SYPL1: variants seen among roughly 807,000 people sequenced by gnomAD.
The protein encoded by SYPL1 is synaptophysin-like protein 1.
In SYPL1, 6 loss-of-function variants were observed where a neutral mutation model predicts 23.7. That is an observed-to-expected ratio of 0.25 (90% CI 0.14 to 0.50). SYPL1 has a LOEUF of 0.50. Ranked by LOEUF, SYPL1 falls within the 20% of genes least tolerant of loss-of-function variation. The pLI is 0.98. For missense variants in SYPL1, 253 were observed against 288.9 expected, an observed-to-expected ratio of 0.88 and a Z score of 0.90; for synonymous variants, 102 against 104.5, an observed-to-expected ratio of 0.98 and a Z score of 0.15.
At chr7:106,111,335 G>A (rs3801274) in intron 1 of SYPL1, among the ~76,000 whole-genome samples, 136,560 of 152,250 alleles carry the variant, frequency 0.9, 61,324 homozygotes, top group African/African-American at 0.92. Flanking sequence ...GTAGTGGGCC[G>A]CGAAGTTTGA....
At chr7:106,101,726 C>T (rs1056618753) in intron 1 of SYPL1, among the ~76,000 whole-genome samples, 1 of 145,140 alleles carries the variant, frequency 6.9e-6, no homozygotes, top group African/African-American at 2.6e-5. Context: ...CATGAATACA[C>T]AGAGTGAAAA....
intron 1 of SYPL1, among the ~76,000 whole-genome samples, chr7:106,107,718 G>A (rs1430221945): frequency 2.7e-5 from 4 of 146,328 alleles, no homozygotes; most frequent in Non-Finnish European, 4.5e-5. Context: ...CTCCAGCCTG[G>A]GTGACAGAGC....
chr7:106,091,676 C>T lies in SYPL1; in HGVS notation c.*129G>A, dbSNP rs912732916. On this transcript the variant is annotated 3_prime_UTR_variant, in exon 5 of 5. Transcript: ENST00000455385. This position sits in a 1 kb window ranked among gnomAD's most constrained non-coding sequence, Gnocchi z 5.0. ...GCACAGGCTTTATGTAAAAAAGCAG[C>T]AAAGTTTTAAACCCACCAATATATT... 1 of 1,004,762 alleles carries T rather than the reference C, an allele frequency of 1.0e-6. No homozygotes were observed. Among genetic ancestry groups the T allele is most frequent in the Non-Finnish European group, 1.3e-6 (1 of 744,102 alleles). The allele number at this position is 1,004,762 out of a possible 1,614,324, so 62.2% of individuals were successfully genotyped here.
In SYPL1 at chr7:106,090,981, T is replaced by C. The variant is rs886659171; in HGVS notation, c.*824A>G. On this transcript the variant is annotated 3_prime_UTR_variant, in exon 5 of 5. Transcript: ENST00000455385. ...TGTAAAAAACGGTGGATTATTTTAC[T>C]GTACTTACAAAGAGGCTGGGTCTCA... is the stretch of plus-strand genomic sequence containing the variant. The C allele has an allele frequency of 2.0e-5, 3 of 152,228 alleles. No individual in the cohort carries two copies. Among genetic ancestry groups the C allele is most frequent in the Non-Finnish European group, 1.5e-5 (1 of 68,030 alleles). The allele number at this position is 152,228 out of a possible 1,614,324, so 9.4% of individuals were successfully genotyped here. A position where few individuals can be genotyped will look rare whatever the true frequency, so the allele number is the denominator to read the frequency against.
rs749798168 is a variant in SYPL1 at position 106,095,214 on chromosome 7, A to G, written c.403-2077T>C. On this transcript the variant is annotated intron_variant, in intron 3 of 4. Transcript: ENST00000455385. The surrounding 1 kb of genome is among the most constrained non-coding windows in gnomAD (Gnocchi z 4.3). The stretch of plus-strand genomic sequence containing the variant: ...AGAATTGAAGTAGATTTAAATTTTC[A>G]TAACTGAAATACTCCTAGAAACACC... Among the ~76,000 whole-genome samples the G allele has an allele frequency of 2.0e-5, 3 of 152,180 alleles. No homozygotes were observed. The highest frequency in any genetic ancestry group is 2.9e-5 in the Non-Finnish European group (2 of 68,032).
rs1363037843 is a variant in SYPL1, at chr7:106,109,312, T to C, written c.69+2828A>G. 1.3e-5 allele frequency among the ~76,000 whole-genome samples: 2 copies of C among 152,250 alleles called. No individual in the cohort carries two copies. Among genetic ancestry groups the C allele is most frequent in the Non-Finnish European group, 2.9e-5 (2 of 68,046 alleles). On this transcript the variant is annotated intron_variant, in intron 1 of 4. Transcript: ENST00000455385. This position sits in a 1 kb window ranked among gnomAD's most constrained non-coding sequence, Gnocchi z 4.3. ...AACAGCGGTTTATGCTGTCTTCACTTTCTTACCACACATTCATTCAGCCTA... is the reference window on the plus strand; with the variant it reads ...AACAGCGGTTTATGCTGTCTTCACTCTCTTACCACACATTCATTCAGCCTA...
At chr7:106,101,241 A>G (rs916568076) in intron 1 of SYPL1, among the ~76,000 whole-genome samples, 22 of 152,350 alleles carry the variant, frequency 1.4e-4, no homozygotes, top group Non-Finnish European at 2.6e-4. Flanking sequence ...AAACTTGAAG[A>G]GGTCAGGGGC....
rs1220726855 is a variant in SYPL1, at chr7:106,100,909, C to A, written c.70-1627G>T. On this transcript the variant is annotated intron_variant, in intron 1 of 4. Coordinates refer to ENST00000455385, the MANE Select transcript of SYPL1 (RefSeq NM_182715.4). This position sits in a 1 kb window ranked among gnomAD's most constrained non-coding sequence, Gnocchi z 5.1. ...ATCCTTTCTTCCCTTATATTTCTGA[C>A]CTCATGTTGCTACTTTTTCCTTTAC... Among the ~76,000 whole-genome samples, 2 of 152,300 alleles carry A rather than the reference C, an allele frequency of 1.3e-5. No individual in the cohort carries two copies. The highest frequency in any genetic ancestry group is 2.1e-4 in the South Asian group (1 of 4,824).
At chr7:106,105,795 GGACA>G (rs1323382435) in intron 1 of SYPL1, among the ~76,000 whole-genome samples, 2 of 152,156 alleles carry the variant, frequency 1.3e-5, no homozygotes, top group African/African-American at 4.8e-5. Flanking sequence ...ATACATGGAA[GGACA>G]GACAGTGATA....
chr7:106,112,191 G>A lies in SYPL1; in HGVS notation c.18C>T (p.Ile6=). MSGFQ[I]NLNPLKEPLG... ...GTGGCTCCTTGAGCGGGTTGAGGTT[G>A]ATCTGGAAGCCGGACATCCTCTGAG... The change falls in exon 1 of 5, where the codon ATC becomes ATT. Residue 6 remains isoleucine, a synonymous_variant. Coordinates refer to ENST00000455385, the MANE Select transcript of SYPL1 (RefSeq NM_182715.4). 1 of 1,544,290 alleles carries A rather than the reference G, an allele frequency of 6.5e-7. No homozygotes were observed. The highest frequency in any genetic ancestry group is 8.8e-7 in the Non-Finnish European group (1 of 1,137,804).
rs909768320 is a variant in SYPL1, at chr7:106,097,593, C to T, written c.402+97G>A. On this transcript the variant is annotated intron_variant, in intron 3 of 4. Coordinates refer to ENST00000455385, the MANE Select transcript of SYPL1 (RefSeq NM_182715.4). The surrounding 1 kb of genome is among the most constrained non-coding windows in gnomAD (Gnocchi z 4.6). ...CAAACACAGGCTAAAATATGCTGAA[C>T]TGGCTTACACCAAGAATTTTTATTT... The T allele has an allele frequency of 8.9e-7, 1 of 1,124,828 alleles. No individual in the cohort carries two copies. The highest frequency in any genetic ancestry group is 1.2e-6 in the Non-Finnish European group (1 of 823,648). The allele number at this position is 1,124,828 out of a possible 1,614,324, so 69.7% of individuals were successfully genotyped here.
rs768853210 is a variant in SYPL1, at chr7:106,093,105, C to T, written c.435G>A (p.Leu145=). 3 of 1,607,172 alleles carry T rather than the reference C, an allele frequency of 1.9e-6. No homozygotes were observed. Among genetic ancestry groups the T allele is most frequent in the South Asian group, 2.2e-5 (2 of 89,288 alleles). Residue 145 remains leucine (L), a synonymous_variant, in exon 4 of 5, where the codon TTG becomes TTA. Transcript: ENST00000455385. ...CCCAGGCTGAAGTGCTCACCAACCA[C>T]AAAAAAGTGGCAACAAGTGTAACAA... ...DFVVTLVATF[L]WLVSTSAWAK... is the part of the protein sequence containing the mutation.
At position 106,091,520 on chromosome 7, in the gene SYPL1, C is replaced by A; in HGVS notation, c.*285G>T. 3.5e-6 allele frequency: 1 copy of A among 284,586 alleles called. No individual in the cohort carries two copies. The highest frequency in any genetic ancestry group is 6.6e-6 in the Non-Finnish European group (1 of 151,640). 17.6% of individuals were successfully genotyped at this position (284,586 alleles called of 1,614,324 possible). A position where few individuals can be genotyped will look rare whatever the true frequency, so the allele number is the denominator to read the frequency against. On this transcript the variant is annotated 3_prime_UTR_variant, in exon 5 of 5. Coordinates refer to ENST00000455385, the MANE Select transcript of SYPL1 (RefSeq NM_182715.4). The surrounding 1 kb of genome is among the most constrained non-coding windows in gnomAD (Gnocchi z 5.0). ...TACATGTTAAGGCTTAAGGTGTAAACACTTTGGAAGGCAAACAGCTTAGTG... is the reference window on the plus strand; with the variant it reads ...TACATGTTAAGGCTTAAGGTGTAAAAACTTTGGAAGGCAAACAGCTTAGTG...
chr7:106,093,958 G>C (rs1839890888), intron 3 of SYPL1, among the ~76,000 whole-genome samples: 1 of 152,166 alleles, frequency 6.6e-6, no homozygotes, highest in African/African-American at 2.4e-5. Flanking sequence ...AGAATAAATG[G>C]TTCTAATGGG....
rs1206062281 is a variant in SYPL1 at position 106,091,136 on chromosome 7, T to C, written c.*669A>G. On this transcript the variant is annotated 3_prime_UTR_variant, in exon 5 of 5. Coordinates refer to ENST00000455385, the MANE Select transcript of SYPL1 (RefSeq NM_182715.4). This position sits in a 1 kb window ranked among gnomAD's most constrained non-coding sequence, Gnocchi z 5.0. ...TAGCAAGCCTATTAAACCACTAGCA[T>C]AACAGATCATATCTCATGAAACAGA... 6.6e-6 allele frequency: 1 copy of C among 152,162 alleles called. No individual in the cohort carries two copies. The highest frequency in any genetic ancestry group is 1.5e-5 in the Non-Finnish European group (1 of 68,020). The allele number at this position is 152,162 out of a possible 1,614,324, so 9.4% of individuals were successfully genotyped here. A position where few individuals can be genotyped will look rare whatever the true frequency, so the allele number is the denominator to read the frequency against.
At chr7:106,094,231 T>C (rs1585934676) in intron 3 of SYPL1, among the ~76,000 whole-genome samples, 1 of 152,214 alleles carries the variant, frequency 6.6e-6, no homozygotes, top group East Asian at 1.9e-4. Context: ...CACCTTTTAG[T>C]CATTTATTAG....
intron 3 of SYPL1, among the ~76,000 whole-genome samples, chr7:106,094,792 GTAGT>G (rs756316910): frequency 8.9e-4 from 134 of 149,820 alleles, no homozygotes; most frequent in Non-Finnish European, 1.5e-3. Context: ...TTTTTTTTTC[GTAGT>G]TATACTCTTA....
chr7:106,093,241 G>GGGAGTA, intron 3 of SYPL1, 104 bp from the exon 4 acceptor site: 1 of 1,081,512 alleles, frequency 9.2e-7, no homozygotes. Flanking sequence ...TTATGGTGCT[G>GGGAGTA]AGAAATGGCC....
chr7:106,112,225 GGAGA>G lies in SYPL1; in HGVS notation c.-21_-18del, dbSNP rs762280301. ...GCCGGACATCCTCTGAGGAAAGGAG[GGAGA>G]GAGAGTCAGGACGACGGGGCGGAGG... On this transcript the variant is annotated 5_prime_UTR_variant, in exon 1 of 5. Coordinates refer to ENST00000455385, the MANE Select transcript of SYPL1 (RefSeq NM_182715.4). 1.3e-6 allele frequency: 2 copies of G among 1,534,106 alleles called. No individual in the cohort carries two copies. Among genetic ancestry groups the G allele is most frequent in the Non-Finnish European group, 1.8e-6 (2 of 1,132,222 alleles).
Sources: gnomAD v4.1 joint callset for allele counts (sites outside exome capture counted in the v4.1 genomes callset) on GRCh38, gnomAD v4.1.1 for gene constraint, Gnocchi (gnomAD v3.1) non-coding constraint, MANE v1.5 for transcripts, NCBI Gene and HGNC (gene_info 2026-07-23, HGNC 2026-07-21) for gene names.